NEBL: variants seen among roughly 807,000 people sequenced by gnomAD.
NEBL encodes the protein nebulette.
A neutral mutation model predicts 140.2 loss-of-function variants in NEBL; 122 were observed. That is an observed-to-expected ratio of 0.87 (90% CI 0.75 to 1.01). NEBL has a LOEUF of 1.01. NEBL is among the 50% of genes least tolerant of loss of function. NEBL has a pLI of 0.00. For synonymous variants in NEBL, 436 were observed against 398.9 expected (o/e 1.09, Z -1.11); for missense variants, 1,365 against 1,231.3 (o/e 1.11, Z -1.62).
intron 2 of NEBL, among the ~76,000 whole-genome samples, chr10:21,164,369 T>G (rs561655384): frequency 1.3e-5 from 2 of 152,212 alleles, no homozygotes; most frequent in Non-Finnish European, 2.9e-5. Flanking sequence ...TACTCCCTGA[T>G]GTCCTAGGAA....
intron 2 of NEBL, among the ~76,000 whole-genome samples, chr10:21,093,246 G>C (rs1039977611): frequency 6.7e-6 from 1 of 149,470 alleles, no homozygotes; most frequent in African/African-American, 2.5e-5. Context: ...TGACTCAGAG[G>C]ATAAGTATTT....
intron 3 of NEBL, among the ~76,000 whole-genome samples, chr10:21,238,716 T>TAAAAAAAAAAA (rs35732687): frequency 1.9e-4 from 18 of 94,486 alleles, no homozygotes; most frequent in East Asian, 3.9e-4. Context: ...TCAAAAAAAT[T>TAAAAAAAAAAA]AAAAAAAAAA....
chr10:20,947,180 A>G (rs1835209152), intron 4 of NEBL, among the ~76,000 whole-genome samples: 1 of 152,212 alleles, frequency 6.6e-6, no homozygotes. Context: ...TGAGTTTCAA[A>G]GAGTCATATG....
chr10:20,990,008 G>C (rs530806506), intron 3 of NEBL, among the ~76,000 whole-genome samples: 1 of 152,108 alleles, frequency 6.6e-6, no homozygotes, highest in Non-Finnish European at 1.5e-5. Flanking sequence ...TCACATTAGA[G>C]TTGTTACAGA....
intron 2 of NEBL, among the ~76,000 whole-genome samples, chr10:21,048,633 T>G (rs892424921): frequency 9.9e-5 from 15 of 151,780 alleles, no homozygotes; most frequent in African/African-American, 3.4e-4. Context: ...CTCACATAAT[T>G]GTGGGGGCTG....
chr10:21,221,471 C>T (rs946384086), intron 3 of NEBL, among the ~76,000 whole-genome samples: 1 of 151,978 alleles, frequency 6.6e-6, no homozygotes, highest in Non-Finnish European at 1.5e-5. Context: ...CAAGTCCTAC[C>T]TATTCTACAA....
At chr10:20,984,481 A>G (rs964841231) in intron 3 of NEBL, among the ~76,000 whole-genome samples, 2 of 152,172 alleles carry the variant, frequency 1.3e-5, no homozygotes, top group African/African-American at 4.8e-5. Context: ...CTGACACATG[A>G]GAGGACCTTT....
At chr10:21,251,545 G>A (rs993315835) in intron 2 of NEBL, among the ~76,000 whole-genome samples, 1 of 152,126 alleles carries the variant, frequency 6.6e-6, no homozygotes, top group African/African-American at 2.4e-5. Context: ...CTCTGCAGAT[G>A]TCCCTTCTCC....
chr10:21,072,024 G>T (rs1482389595), intron 2 of NEBL, among the ~76,000 whole-genome samples: 2 of 152,022 alleles, frequency 1.3e-5, no homozygotes, highest in Admixed American at 6.6e-5. Context: ...CACCATGTTG[G>T]CCAGGCTGGT....
At chr10:21,198,662 C>T (rs1841688332) in intron 3 of NEBL, among the ~76,000 whole-genome samples, 1 of 152,104 alleles carries the variant, frequency 6.6e-6, no homozygotes. Flanking sequence ...TAAAGAGCCT[C>T]CCCATTGCTA....
chr10:20,948,308 C>G (rs1467056998), intron 4 of NEBL, among the ~76,000 whole-genome samples: 1 of 152,160 alleles, frequency 6.6e-6, no homozygotes, highest in Non-Finnish European at 1.5e-5. Flanking sequence ...TAACATAAAG[C>G]CTAGGATCAG....
chr10:21,056,004 C>G (rs1431495062), intron 2 of NEBL, among the ~76,000 whole-genome samples: 3 of 152,180 alleles, frequency 2.0e-5, no homozygotes, highest in Non-Finnish European at 4.4e-5. Flanking sequence ...CATCCCAATG[C>G]AGACCAGTGA....
At chr10:20,888,536 C>T (rs1846736005) in intron 3 of NEBL, among the ~76,000 whole-genome samples, 1 of 152,176 alleles carries the variant, frequency 6.6e-6, no homozygotes, top group African/African-American at 2.4e-5. Flanking sequence ...TCGAGTTGTT[C>T]CAGAAAATGC....
intron 2 of NEBL, among the ~76,000 whole-genome samples, chr10:21,137,594 A>T (rs1839414597): frequency 6.6e-6 from 1 of 151,986 alleles, no homozygotes; most frequent in Non-Finnish European, 1.5e-5. Context: ...TGAGGTTACT[A>T]CCTCCTTGGC....
intron 4 of NEBL, among the ~76,000 whole-genome samples, chr10:20,931,285 G>A (rs4747427): frequency 0.64 from 96,974 of 151,512 alleles, 31,280 homozygotes; most frequent in Non-Finnish European, 0.67. Context: ...AAAATCTTTG[G>A]CACATCTTTA....
intron 2 of NEBL, among the ~76,000 whole-genome samples, chr10:21,031,171 C>A (rs1488301177): frequency 6.6e-6 from 1 of 152,160 alleles, no homozygotes. Flanking sequence ...GAAAAGGAAA[C>A]AGCATGTCAC....
intron 1 of NEBL, among the ~76,000 whole-genome samples, chr10:21,275,314 C>T (rs1475366071): frequency 1.3e-5 from 2 of 152,182 alleles, no homozygotes; most frequent in South Asian, 2.1e-4. Context: ...TTCCTATGGG[C>T]GTTTTCTGTC....
At chr10:21,230,933 C>G (rs1490633462) in intron 3 of NEBL, among the ~76,000 whole-genome samples, 2 of 152,058 alleles carry the variant, frequency 1.3e-5, no homozygotes, top group Non-Finnish European at 2.9e-5. Flanking sequence ...CGAAAAGGAA[C>G]CCCCATGCCA....
intron 2 of NEBL, among the ~76,000 whole-genome samples, chr10:21,092,321 C>T (rs998013202): frequency 2.0e-5 from 3 of 152,134 alleles, no homozygotes; most frequent in Non-Finnish European, 4.4e-5. Context: ...CTAGTACTAT[C>T]CCACTGTTTG....
Sources: gnomAD v4.1 joint callset for allele counts (sites outside exome capture counted in the v4.1 genomes callset) on GRCh38, gnomAD v4.1.1 for gene constraint, MANE v1.5 for transcripts, NCBI Gene and HGNC (gene_info 2026-07-23, HGNC 2026-07-21) for gene names.